MYO1D: variants seen among roughly 807,000 people sequenced by gnomAD.
MYO1D encodes myosin ID.
In MYO1D, 83 loss-of-function variants were observed where a neutral mutation model predicts 122.0. The ratio of observed to expected loss-of-function variants is 0.68; its 90% CI spans 0.57 to 0.82. MYO1D has a LOEUF of 0.82. Among genes scored for constraint, MYO1D ranks in the 40% least tolerant of loss-of-function variants. The pLI is 0.00. For synonymous variants in MYO1D, 464 were observed against 446.9 expected (o/e 1.04, Z -0.48); for missense variants, 1,157 against 1,269.5 (o/e 0.91, Z 1.35).
intron 18 of MYO1D, 29 bp from the exon 19 acceptor site, chr17:32,653,976 G>A: frequency 6.4e-7 from 1 of 1,556,676 alleles, no homozygotes; most frequent in Non-Finnish European, 8.8e-7. Context: ...AAGACAAAAT[G>A]AGTATGCTTA....
intron 1 of MYO1D, among the ~76,000 whole-genome samples, chr17:32,800,705 GTTTTTA>G (rs1338385135): frequency 2.0e-5 from 3 of 151,032 alleles, no homozygotes; most frequent in African/African-American, 2.4e-5. Context: ...GTTTTTTTTT[GTTTTTA>G]TTTTTGTTTT....
intron 19 of MYO1D, among the ~76,000 whole-genome samples, chr17:32,649,819 G>A (rs1027297379): frequency 2.0e-5 from 3 of 151,992 alleles, no homozygotes; most frequent in Admixed American, 1.3e-4. Context: ...TGATCCACCC[G>A]CCTCAGCCTC....
intron 21 of MYO1D, chr17:32,510,911 G>C (rs1909670976): frequency 1.4e-5 from 2 of 147,718 alleles, no homozygotes; most frequent in African/African-American, 5.0e-5. Context: ...TTCAAAACCA[G>C]AGTTAAAGAA....
intron 1 of MYO1D, among the ~76,000 whole-genome samples, chr17:32,868,442 G>A (rs1375771730): frequency 6.6e-6 from 1 of 152,054 alleles, no homozygotes; most frequent in South Asian, 2.1e-4. Flanking sequence ...TCTCTGCTAG[G>A]TAATCTGAAT....
At chr17:32,576,882 GT>G (rs1370477357) in intron 21 of MYO1D, among the ~76,000 whole-genome samples, 4 of 151,986 alleles carry the variant, frequency 2.6e-5, no homozygotes, top group South Asian at 2.1e-4. Context: ...GTCTCGCTTT[GT>G]TGCCCAGGCT....
At chr17:32,788,610 C>T (rs1438034435) in intron 1 of MYO1D, among the ~76,000 whole-genome samples, 10 of 152,112 alleles carry the variant, frequency 6.6e-5, no homozygotes, top group African/African-American at 2.4e-4. Flanking sequence ...CATTGGTCTA[C>T]ATGCCTATTT....
chr17:32,810,606 A>G (rs1270932405), intron 1 of MYO1D, among the ~76,000 whole-genome samples: 1 of 151,770 alleles, frequency 6.6e-6, no homozygotes, highest in African/African-American at 2.4e-5. Flanking sequence ...CCTCCCAAGT[A>G]GCTGGGATTA....
chr17:32,698,901 T>C (rs1851282624), intron 16 of MYO1D, among the ~76,000 whole-genome samples: 1 of 152,210 alleles, frequency 6.6e-6, no homozygotes, highest in South Asian at 2.1e-4. Context: ...ATAAATAATA[T>C]GAAATTGTTA....
intron 19 of MYO1D, among the ~76,000 whole-genome samples, chr17:32,639,844 T>C (rs898560689): frequency 6.6e-6 from 1 of 152,104 alleles, no homozygotes; most frequent in Non-Finnish European, 1.5e-5. Context: ...AAAGAAGGCA[T>C]AGTTGTGATC....
chr17:32,553,666 G>T (rs2087042953), intron 21 of MYO1D, among the ~76,000 whole-genome samples: 1 of 152,060 alleles, frequency 6.6e-6, no homozygotes, highest in Non-Finnish European at 1.5e-5. Context: ...CTACTTCTTT[G>T]ACAAGTTCTT....
chr17:32,510,080 G>A (rs1474632952), intron 21 of MYO1D: 1 of 152,234 alleles, frequency 6.6e-6, no homozygotes, highest in African/African-American at 2.4e-5. Context: ...TCACTTTATA[G>A]ATGAGGGTGC....
intron 16 of MYO1D, among the ~76,000 whole-genome samples, chr17:32,700,723 C>A (rs1328992331): frequency 1.3e-5 from 2 of 152,032 alleles, no homozygotes; most frequent in African/African-American, 4.8e-5. Flanking sequence ...GCAGGTGGAT[C>A]ACTTGAGGTC....
At chr17:32,562,013 A>AG (rs2087130695) in intron 21 of MYO1D, among the ~76,000 whole-genome samples, 1 of 150,704 alleles carries the variant, frequency 6.6e-6, no homozygotes, top group Non-Finnish European at 1.5e-5. Context: ...TTTTGGAGAC[A>AG]GGGGTCTTGC....
chr17:32,543,829 G>C (rs566525362), intron 21 of MYO1D, among the ~76,000 whole-genome samples: 2 of 151,840 alleles, frequency 1.3e-5, no homozygotes, highest in Admixed American at 1.3e-4. Flanking sequence ...GTCTCGCTCT[G>C]TCACCCAGGC....
intron 19 of MYO1D, among the ~76,000 whole-genome samples, chr17:32,646,531 C>T (rs905257395): frequency 6.6e-6 from 1 of 151,932 alleles, no homozygotes; most frequent in East Asian, 1.9e-4. Flanking sequence ...TACTGAAAAA[C>T]ATATGAGTGT....
At chr17:32,701,147 C>T (rs954404106) in intron 16 of MYO1D, among the ~76,000 whole-genome samples, 1 of 152,040 alleles carries the variant, frequency 6.6e-6, no homozygotes, top group Non-Finnish European at 1.5e-5. Context: ...TAAGAGACTA[C>T]TTCGTTCAAT....
At position 32,716,329 on chromosome 17, in the gene MYO1D, T is replaced by C. The variant is rs550941477; in HGVS notation, c.1914-4134A>G. ...TAGTTTTATTTATTCTTTTCTCACATGATTTATCACAACTTGTAATCATAC... is the reference window on the plus strand; with the variant it reads ...TAGTTTTATTTATTCTTTTCTCACACGATTTATCACAACTTGTAATCATAC... On this transcript the variant is annotated intron_variant, in intron 15 of 21. Transcript: ENST00000318217. Among the ~76,000 whole-genome samples, 7 of 152,348 alleles carry C rather than the reference T, an allele frequency of 4.6e-5. No homozygotes were observed. In the East Asian group the frequency reaches 5.8e-4, roughly 13 times the overall value.
chr17:32,591,375 C>A (rs1346512729), intron 21 of MYO1D, among the ~76,000 whole-genome samples: 1 of 152,170 alleles, frequency 6.6e-6, no homozygotes, highest in African/African-American at 2.4e-5. Flanking sequence ...AGTTTCCTAT[C>A]TGGAAGTGGG....
chr17:32,762,743 G>A (rs1412364378), intron 8 of MYO1D, among the ~76,000 whole-genome samples: 2 of 151,938 alleles, frequency 1.3e-5, no homozygotes, highest in Admixed American at 6.6e-5. Context: ...GCATGGTGGC[G>A]GGTGCCTGTA....
Sources: allele counts gnomAD v4.1 joint callset (sites outside exome capture counted in the v4.1 genomes callset), GRCh38; gene constraint gnomAD v4.1.1; transcripts MANE v1.5; gene names NCBI Gene and HGNC (gene_info 2026-07-23, HGNC 2026-07-21).